OR7E24: variants seen among roughly 807,000 people sequenced by gnomAD.
OR7E24 encodes the protein olfactory receptor 7E24.
For synonymous variants in OR7E24, 130 were observed against 157.5 expected (o/e 0.83, Z 1.31); for missense variants, 385 against 410.3 (o/e 0.94, Z 0.53).
At chr19:9,245,390 CA>C (rs1031157667), upstream of OR7E24, among the ~76,000 whole-genome samples, 1 of 151,834 alleles carries the variant, frequency 6.6e-6, no homozygotes, top group Admixed American at 6.6e-5. Flanking sequence ...AACAAACAAG[CA>C]AAAAAACCTG....
the OR7E24 span, chr19:9,236,154 C>T: frequency 1.3e-6 from 1 of 764,910 alleles, no homozygotes; most frequent in Non-Finnish European, 2.2e-6. Flanking sequence ...TATCCTAGAT[C>T]TTGCTCTCCC....
the OR7E24 span, chr19:9,212,425 A>G: frequency 3.3e-5 from 5 of 152,206 alleles, no homozygotes; most frequent in Non-Finnish European, 4.4e-5. Flanking sequence ...TAGGATTAGT[A>G]TGCATTCCAA....
chr19:9,218,196 C>T, the OR7E24 span, among the ~76,000 whole-genome samples: 1 of 152,204 alleles, frequency 6.6e-6, no homozygotes, highest in East Asian at 1.9e-4. Flanking sequence ...AAAGCATCAA[C>T]TATAACACAA....
chr19:9,215,681 C>T, the OR7E24 span, among the ~76,000 whole-genome samples: 8 of 152,190 alleles, frequency 5.3e-5, no homozygotes, highest in South Asian at 4.1e-4. Context: ...GCCATATGCA[C>T]GGTAGGAATA....
upstream of OR7E24, among the ~76,000 whole-genome samples, chr19:9,248,621 C>G (rs551176835): frequency 2.4e-4 from 36 of 152,266 alleles, no homozygotes; most frequent in African/African-American, 8.4e-4. Context: ...GAAAGGGCAG[C>G]TGAGATCACA....
the OR7E24 span, chr19:9,235,908 A>G: frequency 6.2e-7 from 1 of 1,608,394 alleles, no homozygotes; most frequent in Non-Finnish European, 8.5e-7. Flanking sequence ...ATGGAACAGG[A>G]CTTGGGGTCT....
At chr19:9,231,862 A>G in the OR7E24 span, among the ~76,000 whole-genome samples, 2 of 152,314 alleles carry the variant, frequency 1.3e-5, no homozygotes, top group South Asian at 4.1e-4. Flanking sequence ...TTTAGTGTCT[A>G]TATTCAGGCA....
chr19:9,251,758 A>T lies in OR7E24; in HGVS notation c.715A>T (p.Ile239Phe). 1 of 1,611,632 alleles carries T rather than the reference A, an allele frequency of 6.2e-7. No homozygotes were observed. Among genetic ancestry groups the T allele is most frequent in the South Asian group, 1.1e-5 (1 of 90,762 alleles). Residue 239 changes from isoleucine (I) to phenylalanine (F), a missense_variant, in exon 1 of 1, where the codon ATT becomes TTT. Physicochemically the swap from Ile to Phe is conservative, Grantham distance 21. Coordinates refer to ENST00000456448, the MANE Select transcript of OR7E24 (RefSeq NM_001079935.2). ...AGGGATCCTTTTCTCTTACTATAAA[A>T]TTGTTTCCCCCATTCTGAGAGTTCC... ...ISGILFSYYK[I>F]VSPILRVPTS...
the OR7E24 span, among the ~76,000 whole-genome samples, chr19:9,228,713 C>T: frequency 6.6e-6 from 1 of 152,172 alleles, no homozygotes; most frequent in African/African-American, 2.4e-5. Flanking sequence ...TGCTTTCCTT[C>T]AGGAAGGACT....
chr19:9,209,303 A>C, the OR7E24 span: 33 of 152,306 alleles, frequency 2.2e-4, no homozygotes, highest in African/African-American at 6.5e-4. Context: ...CTCAGCAGCA[A>C]ATTAATTGCA....
the OR7E24 span, chr19:9,209,182 A>G: frequency 6.6e-6 from 1 of 152,214 alleles, no homozygotes; most frequent in Admixed American, 6.5e-5. Context: ...GGGATAGAAT[A>G]TACAGATGGT....
chr19:9,225,985 GC>G, the OR7E24 span, among the ~76,000 whole-genome samples: 1 of 152,190 alleles, frequency 6.6e-6, no homozygotes, highest in Non-Finnish European at 1.5e-5. Context: ...CTCCTGGGCT[GC>G]TCCCATCACG....
At chr19:9,239,473 C>G in the OR7E24 span, among the ~76,000 whole-genome samples, 6 of 151,870 alleles carry the variant, frequency 4.0e-5, no homozygotes, top group Non-Finnish European at 5.9e-5. Flanking sequence ...ACATGGCCAA[C>G]AGTTCAACTT....
chr19:9,247,824 CATT>C (rs1454772736), upstream of OR7E24, among the ~76,000 whole-genome samples: 1 of 152,128 alleles, frequency 6.6e-6, no homozygotes, highest in African/African-American at 2.4e-5. Flanking sequence ...GGTGGTATCT[CATT>C]GTGTTTTTTA....
At chr19:9,248,706 T>C (rs2066137256), upstream of OR7E24, among the ~76,000 whole-genome samples, 1 of 152,230 alleles carries the variant, frequency 6.6e-6, no homozygotes, top group South Asian at 2.1e-4. Context: ...CTGGCTTTCC[T>C]TGCAGCTCTC....
the OR7E24 span, chr19:9,206,888 G>C: frequency 6.6e-6 from 1 of 152,170 alleles, no homozygotes; most frequent in Non-Finnish European, 1.5e-5. Context: ...CACCTGGGGA[G>C]CTTACAAATG....
At chr19:9,214,265 G>A in the OR7E24 span, 1,193 of 1,613,988 alleles carry the variant, frequency 7.4e-4, 7 homozygotes, top group South Asian at 6.6e-3. Flanking sequence ...TGAGGAGGGT[G>A]TTAGAGCAGG....
the OR7E24 span, among the ~76,000 whole-genome samples, chr19:9,223,660 C>A: frequency 6.6e-6 from 1 of 152,096 alleles, no homozygotes; most frequent in South Asian, 2.1e-4. Flanking sequence ...TATAATGAAG[C>A]CATGGCTCAT....
At chr19:9,223,859 CT>C in the OR7E24 span, among the ~76,000 whole-genome samples, 263 of 148,552 alleles carry the variant, frequency 1.8e-3, no homozygotes, top group African/African-American at 6.2e-3. Context: ...GGAGTCTTGG[CT>C]TTTTTTTTCA....
Sources: gnomAD v4.1 joint callset for allele counts (sites outside exome capture counted in the v4.1 genomes callset) on GRCh38, gnomAD v4.1.1 for gene constraint, MANE v1.5 for transcripts, NCBI Gene and HGNC (gene_info 2026-07-23, HGNC 2026-07-21) for gene names.